Variants in LRMDA observed in about 807,000 individuals in gnomAD.
LRMDA encodes leucine-rich melanocyte differentiation-associated protein.
LRMDA carries 18 observed loss-of-function variants against 29.8 expected under a neutral mutation model. That is an observed-to-expected ratio of 0.60 (90% CI 0.42 to 0.90). The LOEUF is 0.90. Among genes scored for constraint, LRMDA ranks in the 40% least tolerant of loss-of-function variants. The pLI is 0.00. For missense variants in LRMDA, 273 were observed against 273.9 expected (o/e 1.00, Z 0.02); for synonymous variants, 125 against 109.4 (o/e 1.14, Z -0.89).
At chr10:75,614,814 G>A (rs1034912567) in intron 2 of LRMDA, among the ~76,000 whole-genome samples, 8 of 151,468 alleles carry the variant, frequency 5.3e-5, no homozygotes, top group Admixed American at 2.0e-4. Flanking sequence ...TTGGAATCCT[G>A]GACTGGATAT....
intron 6 of LRMDA, among the ~76,000 whole-genome samples, chr10:76,470,222 C>A (rs1032305346): frequency 1.3e-5 from 2 of 151,926 alleles, no homozygotes; most frequent in Non-Finnish European, 2.9e-5. Flanking sequence ...AAGCAGTACA[C>A]CCCAGACATT....
intron 2 of LRMDA, among the ~76,000 whole-genome samples, chr10:75,730,166 A>C (rs1842679024): frequency 6.6e-6 from 1 of 152,130 alleles, no homozygotes; most frequent in Non-Finnish European, 1.5e-5. Flanking sequence ...CACACCACTA[A>C]AAATTCCCTT....
chr10:75,747,574 G>A (rs972805469), intron 2 of LRMDA, among the ~76,000 whole-genome samples: 4 of 152,146 alleles, frequency 2.6e-5, no homozygotes, highest in African/African-American at 9.7e-5. Context: ...CACTATCTTT[G>A]GTCTAACTTT....
At chr10:75,704,768 T>C (rs1467848364) in intron 2 of LRMDA, among the ~76,000 whole-genome samples, 2 of 152,238 alleles carry the variant, frequency 1.3e-5, no homozygotes, top group African/African-American at 4.8e-5. Flanking sequence ...GGTCCAGGTC[T>C]CAGCCCTGCC....
At chr10:75,778,300 A>G (rs1336269829) in intron 2 of LRMDA, among the ~76,000 whole-genome samples, 2 of 151,742 alleles carry the variant, frequency 1.3e-5, no homozygotes, top group East Asian at 1.9e-4. Context: ...ATGATCTCGA[A>G]CTCCTGGCCT....
At chr10:75,606,162 C>T (rs1840954020) in intron 2 of LRMDA, among the ~76,000 whole-genome samples, 1 of 151,246 alleles carries the variant, frequency 6.6e-6, no homozygotes, top group African/African-American at 2.5e-5. Flanking sequence ...CTGGCCAACC[C>T]TGTTTTCTAA....
intron 6 of LRMDA, among the ~76,000 whole-genome samples, chr10:76,489,707 T>G (rs1842814328): frequency 6.6e-6 from 1 of 152,000 alleles, no homozygotes. Context: ...ATGTTGTGCT[T>G]ACATTATCAG....
intron 4 of LRMDA, among the ~76,000 whole-genome samples, chr10:76,050,225 G>A (rs1052296320): frequency 3.3e-5 from 5 of 152,194 alleles, no homozygotes; most frequent in Non-Finnish European, 7.3e-5. Flanking sequence ...AATGGGAAGT[G>A]ACTCGATTTA....
Position 76,491,471 on chromosome 10 carries a change from T to A in LRMDA, c.602-65738T>A, listed in dbSNP as rs1024191012. 2.0e-5 allele frequency among the ~76,000 whole-genome samples: 3 copies of A among 152,088 alleles called. No homozygotes were observed. The East Asian group carries it at 5.9e-4, about 30-fold the overall frequency. On this transcript the variant is annotated intron_variant, in intron 6 of 6. Transcript: ENST00000611255. ...GCTATTCTAGCATAAAAGTTTTTTT[T>A]CCTTTGGCACTTTAAATTAATGTTA... is the stretch of plus-strand genomic sequence containing the variant.
At chr10:75,475,848 T>G (rs1360415802) in intron 2 of LRMDA, among the ~76,000 whole-genome samples, 1 of 152,112 alleles carries the variant, frequency 6.6e-6, no homozygotes, top group East Asian at 1.9e-4. Flanking sequence ...TTTATACCAC[T>G]TTTCCCCCCA....
chr10:76,430,009 T>C (rs972516993), intron 6 of LRMDA, among the ~76,000 whole-genome samples: 8 of 152,254 alleles, frequency 5.3e-5, no homozygotes, highest in Non-Finnish European at 7.3e-5. Flanking sequence ...TATATTTCCA[T>C]ACTTTATAAA....
At chr10:76,385,001 A>T (rs1341372949) in intron 6 of LRMDA, among the ~76,000 whole-genome samples, 1 of 152,232 alleles carries the variant, frequency 6.6e-6, no homozygotes, top group Non-Finnish European at 1.5e-5. Flanking sequence ...GCCTCCCTGT[A>T]GATCAAGTAC....
Position 76,076,345 on chromosome 10 carries a change from C to CAAA in LRMDA, c.516+17583_516+17585dup, listed in dbSNP as rs397846101. 4.0e-3 allele frequency among the ~76,000 whole-genome samples: 197 copies of CAAA among 49,794 alleles called. 5 individuals carry two copies. Among genetic ancestry groups the CAAA allele is most frequent in the African/African-American group, 0.011 (130 of 11,534 alleles). The allele number at this position is 49,794 out of a possible 152,430, so 32.7% of individuals were successfully genotyped here. A position where few individuals can be genotyped will look rare whatever the true frequency, so the allele number is the denominator to read the frequency against. Reference sequence around the variant, plus strand: ...TGGGCGACAGAGCGAGACTCCATCTCAAAAAAAAAAAAAAAAAAAAAAAGA... The same window carrying CAAA: ...TGGGCGACAGAGCGAGACTCCATCTCAAAAAAAAAAAAAAAAAAAAAAAAAAGA... On this transcript the variant is annotated intron_variant, in intron 5 of 6. Transcript: ENST00000611255.
chr10:76,525,528 G>A (rs1843165709), intron 6 of LRMDA, among the ~76,000 whole-genome samples: 1 of 152,154 alleles, frequency 6.6e-6, no homozygotes, highest in South Asian at 2.1e-4. Context: ...TAGGAGGCAA[G>A]AACCTGATTT....
At chr10:75,976,986 C>T (rs1847083368) in intron 2 of LRMDA, among the ~76,000 whole-genome samples, 1 of 152,118 alleles carries the variant, frequency 6.6e-6, no homozygotes, top group Non-Finnish European at 1.5e-5. Context: ...CATTGTCAAC[C>T]TCCAAGAGCA....
At chr10:76,057,423 C>G (rs1003221101) in intron 4 of LRMDA, among the ~76,000 whole-genome samples, 1 of 152,172 alleles carries the variant, frequency 6.6e-6, no homozygotes, top group Non-Finnish European at 1.5e-5. Flanking sequence ...ATTCTAATGC[C>G]AGTTTTCAAG....
At chr10:75,774,622 A>C (rs1843286163) in intron 2 of LRMDA, among the ~76,000 whole-genome samples, 1 of 152,180 alleles carries the variant, frequency 6.6e-6, no homozygotes, top group Admixed American at 6.5e-5. Context: ...TATTACCATA[A>C]TGTAACCATG....
intron 6 of LRMDA, among the ~76,000 whole-genome samples, chr10:76,505,130 G>T (rs1184978161): frequency 1.3e-5 from 2 of 151,580 alleles, no homozygotes; most frequent in East Asian, 3.9e-4. Flanking sequence ...CTGGAAACAG[G>T]CTCCCTATGT....
At chr10:75,447,944 C>A (rs1336815584) in intron 2 of LRMDA, among the ~76,000 whole-genome samples, 1 of 152,158 alleles carries the variant, frequency 6.6e-6, no homozygotes, top group Admixed American at 6.5e-5. Flanking sequence ...ACTAAGGCAG[C>A]AGGTTTCAGG....
Sources: gnomAD v4.1 joint callset for allele counts (sites outside exome capture counted in the v4.1 genomes callset) on GRCh38, gnomAD v4.1.1 for gene constraint, MANE v1.5 for transcripts, NCBI Gene and HGNC (gene_info 2026-07-23, HGNC 2026-07-21) for gene names.